NELL2: variants seen among roughly 807,000 people sequenced by gnomAD.
The protein encoded by NELL2 is neural EGFL like 2, also known as protein kinase C-binding protein NELL2.
A neutral mutation model predicts 109.6 loss-of-function variants in NELL2; 41 were observed. The ratio of observed to expected loss-of-function variants is 0.37; its 90% CI spans 0.29 to 0.49. The LOEUF (loss-of-function observed/expected upper bound fraction) is 0.49, where lower values mean the gene tolerates loss of function less well. Ranked by LOEUF, NELL2 falls within the 20% of genes least tolerant of loss-of-function variation. The probability of loss-of-function intolerance (pLI) is 0.98; values close to 1 mark genes in which losing one functional copy is unlikely to be tolerated. For missense variants in NELL2, 900 were observed against 1,008.3 expected (o/e 0.89, Z 1.45); for synonymous variants, 355 against 344.7 (o/e 1.03, Z -0.33).
intron 9 of NELL2, among the ~76,000 whole-genome samples, chr12:44,731,317 C>A (rs1214847759): frequency 6.6e-6 from 1 of 151,984 alleles, no homozygotes; most frequent in Non-Finnish European, 1.5e-5. Context: ...AAGCCAGTAT[C>A]CCAGAGAAAT....
At chr12:44,605,634 G>T (rs1445178763) in intron 15 of NELL2, among the ~76,000 whole-genome samples, 1 of 152,124 alleles carries the variant, frequency 6.6e-6, no homozygotes, top group Non-Finnish European at 1.5e-5. Context: ...GAAGAATCCT[G>T]TGCAGGATTG....
intron 13 of NELL2, among the ~76,000 whole-genome samples, chr12:44,621,135 G>A (rs1946042762): frequency 6.6e-6 from 1 of 151,978 alleles, no homozygotes. Flanking sequence ...TGTCTTTCAC[G>A]TGTGCCTCCT....
intron 2 of NELL2, among the ~76,000 whole-genome samples, chr12:44,868,714 T>C (rs892909295): frequency 8.5e-5 from 13 of 152,160 alleles, no homozygotes; most frequent in Non-Finnish European, 1.8e-4. Flanking sequence ...GAAAGTAGAA[T>C]GCTGGTTACT....
intron 13 of NELL2, among the ~76,000 whole-genome samples, chr12:44,649,695 G>A (rs1368836306): frequency 1.3e-5 from 2 of 152,158 alleles, no homozygotes; most frequent in Admixed American, 1.3e-4. Flanking sequence ...ACCCTGCCAG[G>A]AAATCTCTTT....
At chr12:44,625,116 T>A (rs1042021338) in intron 13 of NELL2, among the ~76,000 whole-genome samples, 3 of 150,872 alleles carry the variant, frequency 2.0e-5, no homozygotes, top group Admixed American at 6.7e-5. Flanking sequence ...TCCTCTTTTT[T>A]AAAATATTTA....
rs1941743730 is a variant in NELL2 at position 44,776,028 on chromosome 12, T to C, written c.885A>G (p.Thr295=). ...ACTCAAATAGAAGCCATACCAGGCA[T>C]GTGCAGTTCTTACAGCCGTCTATCC... ...ESWIDGCKNC[T]CLNGTIQCET... The change falls in exon 8 of 20, where the codon ACA becomes ACG. Residue 295 remains threonine (T), a synonymous_variant. Transcript: ENST00000429094. The C allele has an allele frequency of 1.9e-6, 3 of 1,613,670 alleles. No individual in the cohort carries two copies. The highest frequency in any genetic ancestry group is 2.5e-6 in the Non-Finnish European group (3 of 1,179,836).
At chr12:44,832,841 C>A (rs539749699) in intron 2 of NELL2, among the ~76,000 whole-genome samples, 1 of 152,282 alleles carries the variant, frequency 6.6e-6, no homozygotes, top group South Asian at 2.1e-4. Context: ...GACTGTAGCT[C>A]TATGAAAAGA....
intron 1 of NELL2, among the ~76,000 whole-genome samples, chr12:44,902,619 A>C (rs1219317788): frequency 6.6e-6 from 1 of 152,212 alleles, no homozygotes; most frequent in Non-Finnish European, 1.5e-5. Flanking sequence ...AAAAGAACAA[A>C]GCTGGAGGTA....
intron 1 of NELL2, among the ~76,000 whole-genome samples, chr12:44,883,195 A>C: frequency 6.6e-6 from 1 of 151,870 alleles, no homozygotes; most frequent in East Asian, 1.9e-4. Context: ...GCCTGACACC[A>C]GACTCACCAA....
chr12:44,776,256 G>A (rs1377972557), intron 7 of NELL2, 106 bp from the exon 8 acceptor site: 1 of 1,101,052 alleles, frequency 9.1e-7, no homozygotes, highest in African/African-American at 1.6e-5. Flanking sequence ...CAATGATGAT[G>A]GCTGTGCTTA....
chr12:44,748,091 A>C (rs1484748451), intron 9 of NELL2, among the ~76,000 whole-genome samples: 1 of 152,142 alleles, frequency 6.6e-6, no homozygotes, highest in Non-Finnish European at 1.5e-5. Context: ...TCCCCTACAA[A>C]GTGTGGACAG....
rs147485681 is a variant in NELL2 at position 44,886,161 on chromosome 12, C to T, written c.39-10261G>A. On this transcript the variant is annotated intron_variant, in intron 1 of 20. Transcript: ENST00000333837. ...GAAGGAAGGAAGAAAGGGAGAGAAT[C>T]CTCATCTTATCTTGCATCATACACA... 6.0e-3 allele frequency among the ~76,000 whole-genome samples: 910 copies of T among 150,758 alleles called. 21 individuals are homozygous for T. The highest frequency in any genetic ancestry group is 0.021 in the African/African-American group (868 of 40,924).
At chr12:44,859,108 T>C (rs1039614132) in intron 2 of NELL2, among the ~76,000 whole-genome samples, 5 of 152,234 alleles carry the variant, frequency 3.3e-5, no homozygotes, top group African/African-American at 1.2e-4. Flanking sequence ...AATTTTCTTT[T>C]TCATGATTTA....
intron 3 of NELL2, among the ~76,000 whole-genome samples, chr12:44,787,584 G>C (rs943917221): frequency 6.6e-6 from 1 of 152,188 alleles, no homozygotes; most frequent in Non-Finnish European, 1.5e-5. Flanking sequence ...AATCAATACT[G>C]TGTAGTATGG....
intron 10 of NELL2, 51 bp from the exon 11 acceptor site, chr12:44,711,445 T>C: frequency 6.7e-7 from 1 of 1,496,940 alleles, no homozygotes; most frequent in East Asian, 2.3e-5. Context: ...TAGGACTTGT[T>C]AAGAAGTTTC....
intron 13 of NELL2, among the ~76,000 whole-genome samples, chr12:44,644,261 G>T (rs907717287): frequency 6.6e-6 from 1 of 152,010 alleles, no homozygotes; most frequent in East Asian, 1.9e-4. Context: ...TATGAGTAAG[G>T]TGCTAGCAGG....
chr12:44,704,081 G>A (rs532639321), intron 11 of NELL2, among the ~76,000 whole-genome samples: 114 of 151,886 alleles, frequency 7.5e-4, no homozygotes, highest in African/African-American at 2.7e-3. Flanking sequence ...TTCTTTTGTG[G>A]TTTTTGACTT....
chr12:44,516,632 T>C (rs1941272109), intron 19 of NELL2, among the ~76,000 whole-genome samples: 1 of 152,216 alleles, frequency 6.6e-6, no homozygotes, highest in Non-Finnish European at 1.5e-5. Context: ...ATTTATCCTT[T>C]GCAGATTTAT....
At chr12:44,780,065 T>A in intron 3 of NELL2, 43 bp from the exon 4 acceptor site, 4 of 1,594,308 alleles carry the variant, frequency 2.5e-6, no homozygotes, top group Non-Finnish European at 2.6e-6. Context: ...AAAATAAAGT[T>A]CAAAAACGAT....
Sources: gnomAD v4.1 joint callset for allele counts (sites outside exome capture counted in the v4.1 genomes callset) on GRCh38, gnomAD v4.1.1 for gene constraint, MANE v1.5 for transcripts, NCBI Gene and HGNC (gene_info 2026-07-23, HGNC 2026-07-21) for gene names.